Variants in SASH1 observed in about 807,000 individuals in gnomAD.
SASH1 encodes the protein SAM and SH3 domain containing 1, also known as SAM and SH3 domain-containing protein 1.
SASH1 carries 44 observed loss-of-function variants against 125.2 expected under a neutral mutation model. The observed-to-expected ratio is 0.35, with a 90% confidence interval of 0.28 to 0.45. The LOEUF (loss-of-function observed/expected upper bound fraction) is 0.45, where lower values mean the gene tolerates loss of function less well. Among genes scored for constraint, SASH1 ranks in the 20% least tolerant of loss-of-function variants. The pLI, the probability that SASH1 is intolerant of heterozygous loss-of-function variation, is 1.00. For missense variants in SASH1, 1,426 were observed against 1,614.5 expected (o/e 0.88, Z 2.00); for synonymous variants, 639 against 649.1 (o/e 0.98, Z 0.24).
At position 148,308,174 on chromosome 6, in the gene SASH1, C is replaced by T. The variant is rs951083595; in HGVS notation, n.74+35797C>T. Among the ~76,000 whole-genome samples the T allele has an allele frequency of 3.6e-4, 55 of 152,128 alleles. 2 individuals are homozygous for T. The highest frequency in any genetic ancestry group is 3.1e-3 in the Admixed American group (48 of 15,270). ...GTGGTGTCTCACATGTGTTTGTGTACGTGTGTGTATGCATGCACACATCCA... is the reference window on the plus strand; with the variant it reads ...GTGGTGTCTCACATGTGTTTGTGTATGTGTGTGTATGCATGCACACATCCA... On this transcript the variant is annotated intron_variant and non_coding_transcript_variant, in intron 1 of 3. Coordinates refer to the SASH1 transcript ENST00000367469.
intron 1 of SASH1, among the ~76,000 whole-genome samples, chr6:148,337,638 A>G (rs995048006): frequency 2.6e-5 from 4 of 152,296 alleles, no homozygotes; most frequent in African/African-American, 9.6e-5. Context: ...CCGGGATTAC[A>G]GACGTGAGCC....
chr6:148,539,356 C>T (rs1444838794), intron 16 of SASH1, among the ~76,000 whole-genome samples: 1 of 151,994 alleles, frequency 6.6e-6, no homozygotes, highest in African/African-American at 2.4e-5. Flanking sequence ...TAGACTCCCC[C>T]CACCCTTCCT....
At chr6:148,274,908 C>T (rs1367503611) in intron 1 of SASH1, among the ~76,000 whole-genome samples, 1 of 152,144 alleles carries the variant, frequency 6.6e-6, no homozygotes, top group East Asian at 1.9e-4. Flanking sequence ...TCATTTAGGG[C>T]AATATCCTCT....
At chr6:148,378,336 G>A (rs890112262) in intron 1 of SASH1, among the ~76,000 whole-genome samples, 6 of 151,364 alleles carry the variant, frequency 4.0e-5, no homozygotes, top group African/African-American at 1.2e-4. Context: ...TTACAGGCAT[G>A]AGCCACTGAG....
intron 4 of SASH1, among the ~76,000 whole-genome samples, chr6:148,451,421 CTTT>C (rs1259544475): frequency 2.6e-5 from 4 of 152,196 alleles, no homozygotes; most frequent in Non-Finnish European, 5.9e-5. Flanking sequence ...ATTGCCAAAT[CTTT>C]TTCTAAGGGT....
chr6:148,358,128 T>TAA (rs377748581), intron 1 of SASH1, among the ~76,000 whole-genome samples: 23 of 148,322 alleles, frequency 1.6e-4, no homozygotes, highest in African/African-American at 5.5e-4. Flanking sequence ...GGTTTGGCTT[T>TAA]AAAAAAAAAA....
chr6:148,362,864 A>C (rs1782293356), intron 1 of SASH1, among the ~76,000 whole-genome samples: 1 of 152,090 alleles, frequency 6.6e-6, no homozygotes, highest in Non-Finnish European at 1.5e-5. Context: ...ACATACATAC[A>C]TACAAGTAGT....
intron 1 of SASH1, among the ~76,000 whole-genome samples, chr6:148,369,052 A>T (rs1218184267): frequency 6.6e-6 from 1 of 152,136 alleles, no homozygotes; most frequent in East Asian, 1.9e-4. Flanking sequence ...AGCTGCAAAG[A>T]GTTATGAAGG....
chr6:148,541,207 A>ATCTC (rs1414261133), intron 17 of SASH1, among the ~76,000 whole-genome samples: 11 of 151,352 alleles, frequency 7.3e-5, no homozygotes, highest in African/African-American at 2.2e-4. Flanking sequence ...AGTGACCTAA[A>ATCTC]TCTCTGTCAA....
chr6:148,239,166 TTGAC>T, the SASH1 span, among the ~76,000 whole-genome samples: 1 of 152,206 alleles, frequency 6.6e-6, no homozygotes, highest in African/African-American at 2.4e-5. Context: ...GTACATTTGT[TTGAC>T]TGAGAGACAT....
intron 1 of SASH1, among the ~76,000 whole-genome samples, chr6:148,326,347 T>TATATGC (rs1554235330): frequency 3.3e-5 from 3 of 90,118 alleles, no homozygotes; most frequent in African/African-American, 1.3e-4. Context: ...TATATATATA[T>TATATGC]ATATATATAT....
chr6:148,544,745 A>G lies in SASH1; in HGVS notation c.3275A>G (p.Asp1092Gly). The G allele has an allele frequency of 6.2e-7, 1 of 1,607,152 alleles. No individual in the cohort carries two copies. The highest frequency in any genetic ancestry group is 8.5e-7 in the Non-Finnish European group (1 of 1,176,700). ...TRKVSCARGVDLETLTENKLH... is the reference protein window; with the variant it reads ...TRKVSCARGVGLETLTENKLH... ...AAGGTCTCCTGTGCCCGGGGAGTGG[A>G]TCTAGAAACGCTCACTGAAAACAAG... Residue 1092 changes from aspartate to glycine, a missense_variant, in exon 18 of 20, where the codon GAT (aspartate) becomes GGT (glycine). Around this residue, in one of 3 missense-constraint regions of SASH1, gnomAD observed 634 missense variants for 694.4 expected, o/e 0.91. Transcript: ENST00000367467. This position sits in a 1 kb window ranked among gnomAD's most constrained non-coding sequence, Gnocchi z 6.4.
chr6:148,307,094 T>TC (rs1562316705), intron 1 of SASH1, among the ~76,000 whole-genome samples: 52 of 120,756 alleles, frequency 4.3e-4, no homozygotes, highest in African/African-American at 1.6e-3. Flanking sequence ...CTTTCTTTCT[T>TC]TCTCTCTCTC....
At chr6:148,299,535 T>C (rs2495947) in intron 1 of SASH1, among the ~76,000 whole-genome samples, 10,538 of 151,610 alleles carry the variant, frequency 0.07, 431 homozygotes, top group African/African-American at 0.12. Context: ...GGCATAGTGG[T>C]GCACGTCTGT....
At chr6:148,215,644 A>G in the SASH1 span, among the ~76,000 whole-genome samples, 1 of 152,116 alleles carries the variant, frequency 6.6e-6, no homozygotes, top group Non-Finnish European at 1.5e-5. Flanking sequence ...ACGGCCCTCT[A>G]CGAGGTATCA....
intron 6 of SASH1, among the ~76,000 whole-genome samples, chr6:148,472,120 A>G (rs1450339350): frequency 6.6e-6 from 1 of 152,202 alleles, no homozygotes; most frequent in Non-Finnish European, 1.5e-5. Flanking sequence ...GTATTCAGAG[A>G]AGAAACCAGA....
At chr6:148,508,124 G>T (rs1460826956) in intron 8 of SASH1, among the ~76,000 whole-genome samples, 1 of 152,120 alleles carries the variant, frequency 6.6e-6, no homozygotes, top group Non-Finnish European at 1.5e-5. Context: ...AATTTGTTAA[G>T]AGAGCTTTAG....
chr6:148,383,433 C>T (rs1046197914), intron 1 of SASH1, among the ~76,000 whole-genome samples: 2 of 151,838 alleles, frequency 1.3e-5, no homozygotes, highest in African/African-American at 2.4e-5. Flanking sequence ...TTATTAAGGA[C>T]GGAAAAGGTA....
chr6:148,250,589 A>G, the SASH1 span, among the ~76,000 whole-genome samples: 1 of 137,290 alleles, frequency 7.3e-6, no homozygotes, highest in Middle Eastern at 3.8e-3. Context: ...AAAAAAAAAA[A>G]CTGTATTTAA....
Sources: gnomAD v4.1 joint callset for allele counts (sites outside exome capture counted in the v4.1 genomes callset) on GRCh38, gnomAD v4.1.1 for gene constraint, gnomAD v4.1.1 regional missense constraint, Gnocchi (gnomAD v3.1) non-coding constraint, MANE v1.5 for transcripts, NCBI Gene and HGNC (gene_info 2026-07-23, HGNC 2026-07-21) for gene names.